Variants in PDZD2 observed in about 807,000 individuals in gnomAD.
PDZD2 encodes the protein PDZ domain-containing protein 2.
In PDZD2, 90 loss-of-function variants were observed where a neutral mutation model predicts 220.7. The observed-to-expected ratio is 0.41, with a 90% CI of 0.34 to 0.49. The LOEUF (loss-of-function observed/expected upper bound fraction) is 0.49. Among genes scored for constraint, PDZD2 ranks in the 20% least tolerant of loss-of-function variants. The pLI is 0.28. For synonymous variants in PDZD2, 1,375 were observed against 1,450.5 expected, an observed-to-expected ratio of 0.95 and a Z score of 1.18; for missense variants, 3,174 against 3,608.5, an observed-to-expected ratio of 0.88 and a Z score of 3.08.
rs141680059 is a variant in PDZD2 at position 31,674,998 on chromosome 5, A to C, written c.-361+35561A>C. On this transcript the variant is annotated intron_variant, in intron 1 of 24. Transcript: ENST00000438447. ...CCCTGTTCTGTGCTAACCACCCTGT[A>C]TGTGGGAACCGGGTGCTGTGGAGTG... Among the ~76,000 whole-genome samples the C allele has an allele frequency of 3.3e-5, 5 of 152,324 alleles. No individual in the cohort carries two copies. In the East Asian group the frequency reaches 9.6e-4, roughly 29 times the overall value.
intron 2 of PDZD2, among the ~76,000 whole-genome samples, chr5:31,971,555 A>C (rs1450985586): frequency 2.6e-5 from 4 of 152,224 alleles, no homozygotes; most frequent in African/African-American, 9.6e-5. Context: ...ATCAAAAAGC[A>C]AAAGCTGTTG....
intron 19 of PDZD2, 76 bp downstream of exon 19, chr5:32,077,682 C>A (rs766739019): frequency 2.1e-6 from 3 of 1,462,508 alleles, no homozygotes; most frequent in Non-Finnish European, 2.8e-6. Flanking sequence ...ACAGGCCAGG[C>A]GCAGTGGCTT....
chr5:31,825,521 T>C lies in PDZD2; in HGVS notation c.476+25797T>C, dbSNP rs6892499. Among the ~76,000 whole-genome samples the C allele has an allele frequency of 5.3e-3, 807 of 152,298 alleles. 8 individuals carry two copies. Among genetic ancestry groups the C allele is most frequent in the African/African-American group, 0.019 (772 of 41,560 alleles). ...AGCCCTAGCCAAAGAAAGGCTGCTG[T>C]GGGTGACAAATCAGACAGTCGGTCA... On this transcript the variant is annotated intron_variant, in intron 2 of 24. Coordinates refer to ENST00000438447, the MANE Select transcript of PDZD2 (RefSeq NM_178140.4).
At chr5:31,852,021 T>G (rs1758085088) in intron 2 of PDZD2, among the ~76,000 whole-genome samples, 1 of 152,032 alleles carries the variant, frequency 6.6e-6, no homozygotes, top group African/African-American at 2.4e-5. Context: ...CACACCTGGC[T>G]AATTTTTATG....
intron 5 of PDZD2, among the ~76,000 whole-genome samples, chr5:32,003,314 A>ACACACC (rs1752472827): frequency 1.5e-5 from 1 of 66,528 alleles, no homozygotes; most frequent in Non-Finnish European, 2.9e-5. Flanking sequence ...CACCACACAC[A>ACACACC]CCCCACACAC....
chr5:31,710,713 G>C (rs1748049779), intron 1 of PDZD2, among the ~76,000 whole-genome samples: 1 of 152,022 alleles, frequency 6.6e-6, no homozygotes, highest in South Asian at 2.1e-4. Flanking sequence ...GCTACTCAGA[G>C]GCTGAGGCAG....
intron 2 of PDZD2, among the ~76,000 whole-genome samples, chr5:31,888,540 AC>A (rs138362435): frequency 0.057 from 8,679 of 152,236 alleles, 323 homozygotes; most frequent in Middle Eastern, 0.078. Context: ...GGTCAGGGCT[AC>A]GTACTCCGAT....
At chr5:31,721,410 G>A (rs1203873452) in intron 1 of PDZD2, among the ~76,000 whole-genome samples, 1 of 151,528 alleles carries the variant, frequency 6.6e-6, no homozygotes, top group Non-Finnish European at 1.5e-5. Flanking sequence ...TCCCAACTCT[G>A]TTTTCTTCAG....
chr5:31,738,978 T>A (rs1465426364), intron 1 of PDZD2, among the ~76,000 whole-genome samples: 1 of 152,042 alleles, frequency 6.6e-6, no homozygotes, highest in East Asian at 1.9e-4. Flanking sequence ...CTCCGCTTCC[T>A]GGGTTGAAGC....
chr5:31,659,187 A>G lies in PDZD2; in HGVS notation c.-361+19750A>G, dbSNP rs75142704. Among the ~76,000 whole-genome samples the G allele has an allele frequency of 8.8e-3, 1,344 of 152,162 alleles. 24 individuals are homozygous for G. The highest frequency in any genetic ancestry group is 0.03 in the African/African-American group (1,259 of 41,498). On this transcript the variant is annotated intron_variant, in intron 1 of 24. Coordinates refer to ENST00000438447, the MANE Select transcript of PDZD2 (RefSeq NM_178140.4). Reference sequence around the variant, plus strand: ...TCTCAGTCTCTCTGAGCTCCTCTCCATGGAGCCCTTTAATTTACTTTTGCA... The same window carrying G: ...TCTCAGTCTCTCTGAGCTCCTCTCCGTGGAGCCCTTTAATTTACTTTTGCA...
At chr5:32,069,501 C>T (rs1740548684) in intron 14 of PDZD2, 68 bp from the exon 15 acceptor site, 1 of 894,514 alleles carries the variant, frequency 1.1e-6, no homozygotes, top group African/African-American at 1.6e-5. Context: ...GACTCTGGTC[C>T]TAGGTACTTT....
intron 1 of PDZD2, among the ~76,000 whole-genome samples, chr5:31,768,668 A>G (rs1157969645): frequency 6.6e-6 from 1 of 151,378 alleles, no homozygotes; most frequent in Non-Finnish European, 1.5e-5. Context: ...ACTGAGACAC[A>G]AGATCAGGAC....
At chr5:32,107,520 T>A (rs1744890892) in intron 24 of PDZD2, 1 of 153,120 alleles carries the variant, frequency 6.5e-6, no homozygotes, top group South Asian at 2.1e-4. Context: ...ACTGTACCAC[T>A]GCACTCCAGC....
chr5:32,049,601 G>A (rs1738325210), intron 8 of PDZD2, among the ~76,000 whole-genome samples: 1 of 152,210 alleles, frequency 6.6e-6, no homozygotes, highest in Non-Finnish European at 1.5e-5. Flanking sequence ...TGCCCAAGGT[G>A]ATATGCCAGA....
chr5:31,988,322 T>C (rs1285137564), intron 3 of PDZD2, among the ~76,000 whole-genome samples: 1 of 152,160 alleles, frequency 6.6e-6, no homozygotes, highest in Non-Finnish European at 1.5e-5. Flanking sequence ...ACTGCTTTCT[T>C]TTTTTCTTTT....
At chr5:31,861,905 T>C (rs969324873) in intron 2 of PDZD2, among the ~76,000 whole-genome samples, 1 of 149,424 alleles carries the variant, frequency 6.7e-6, no homozygotes, top group Non-Finnish European at 1.5e-5. Context: ...GTAGCAATGA[T>C]GTACTCTATT....
chr5:31,745,417 T>C (rs1701128117), intron 1 of PDZD2, among the ~76,000 whole-genome samples: 2 of 152,176 alleles, frequency 1.3e-5, no homozygotes, highest in Non-Finnish European at 2.9e-5. Context: ...CAGTAGGTGC[T>C]CAATAAGTAT....
intron 1 of PDZD2, among the ~76,000 whole-genome samples, chr5:31,670,441 G>C (rs1285646261): frequency 1.3e-5 from 2 of 151,268 alleles, no homozygotes; most frequent in African/African-American, 4.8e-5. Flanking sequence ...TTATGAGATG[G>C]AGTCTCGCCC....
intron 1 of PDZD2, among the ~76,000 whole-genome samples, chr5:31,675,089 TG>T (rs1306414324): frequency 6.6e-6 from 1 of 152,144 alleles, no homozygotes; most frequent in Non-Finnish European, 1.5e-5. Context: ...AATATTTGGC[TG>T]GGGGACCCAG....
Sources: allele counts gnomAD v4.1 joint callset (sites outside exome capture counted in the v4.1 genomes callset), GRCh38; gene constraint gnomAD v4.1.1; transcripts MANE v1.5; gene names NCBI Gene and HGNC (gene_info 2026-07-23, HGNC 2026-07-21).